The following NCBP3 variants were observed in gnomAD, a reference collection of about 807,000 sequenced individuals.
The protein encoded by NCBP3 is nuclear cap binding subunit 3.
Under a neutral mutation model 75.7 loss-of-function variants are expected in NCBP3, and 20 were observed. That is an observed-to-expected ratio of 0.26 (90% CI 0.19 to 0.38). NCBP3 has a LOEUF of 0.38. Among genes scored for constraint, NCBP3 ranks in the 10% least tolerant of loss-of-function variants. NCBP3 has a pLI of 1.00. For missense variants in NCBP3, 678 were observed against 796.9 expected (o/e 0.85, Z 1.80); for synonymous variants, 293 against 290.5 (o/e 1.01, Z -0.09).
chr17:3,814,216 G>A (rs2053481652), intron 12 of NCBP3, 106 bp downstream of exon 12: 1 of 1,096,366 alleles, frequency 9.1e-7, no homozygotes, highest in Admixed American at 2.3e-5. Flanking sequence ...CTTATATTTG[G>A]CGTGGGCTGT....
intron 9 of NCBP3, among the ~76,000 whole-genome samples, chr17:3,820,761 T>C (rs996761874): frequency 1.3e-5 from 2 of 152,130 alleles, no homozygotes; most frequent in Non-Finnish European, 2.9e-5. Context: ...TGAAACCCCA[T>C]CTCTACTAAA....
In NCBP3 at chr17:3,806,476, A is replaced by T. The variant is rs1402228375; in HGVS notation, c.*6568T>A. 1 of 152,228 alleles carries T rather than the reference A, an allele frequency of 6.6e-6. No individual in the cohort carries two copies. The highest frequency in any genetic ancestry group is 1.5e-5 in the Non-Finnish European group (1 of 68,040). 9.4% of individuals were successfully genotyped at this position (152,228 alleles called of 1,614,324 possible). A position where few individuals can be genotyped will look rare whatever the true frequency, so the allele number is the denominator to read the frequency against. ...ACAATTTGAGATAACACAAAGTCTCAACTATTTACGAACCTGGTCATCCAG... is the reference window on the plus strand; with the variant it reads ...ACAATTTGAGATAACACAAAGTCTCTACTATTTACGAACCTGGTCATCCAG... On this transcript the variant is annotated 3_prime_UTR_variant, in exon 13 of 13. Transcript: ENST00000389005.
chr17:3,820,557 A>G (rs2053641979), intron 9 of NCBP3, among the ~76,000 whole-genome samples: 1 of 152,264 alleles, frequency 6.6e-6, no homozygotes, highest in Non-Finnish European at 1.5e-5. Context: ...CAAACCAACA[A>G]GCACAAAGCA....
chr17:3,815,616 T>A (rs538802618), intron 11 of NCBP3, among the ~76,000 whole-genome samples: 10 of 152,364 alleles, frequency 6.6e-5, no homozygotes, highest in African/African-American at 2.4e-4. Flanking sequence ...CATCTATAGA[T>A]TCAACCAACT....
At chr17:3,814,069 C>T (rs1193016730) in intron 12 of NCBP3, among the ~76,000 whole-genome samples, 1 of 152,174 alleles carries the variant, frequency 6.6e-6, no homozygotes, top group East Asian at 1.9e-4. Context: ...GAATAGCTCA[C>T]ATGAAACTAA....
At chr17:3,824,210 T>C (rs1597400711) in intron 7 of NCBP3, 1 of 152,188 alleles carries the variant, frequency 6.6e-6, no homozygotes, top group East Asian at 1.9e-4. Flanking sequence ...TTAAGTGTGC[T>C]ATGTATAAAA....
intron 3 of NCBP3, among the ~76,000 whole-genome samples, chr17:3,835,697 T>G (rs2053961369): frequency 6.6e-6 from 1 of 152,266 alleles, no homozygotes; most frequent in Admixed American, 6.5e-5. Flanking sequence ...GTAGGAAGTT[T>G]GCCAAAAGGC....
Position 3,812,517 on chromosome 17 carries a change from G to A in NCBP3, c.*527C>T. 1 of 997,270 alleles carries A rather than the reference G, an allele frequency of 1.0e-6. No homozygotes were observed. The highest frequency in any genetic ancestry group is 1.7e-5 in the African/African-American group (1 of 57,390). 61.8% of individuals were successfully genotyped at this position (997,270 alleles called of 1,614,324 possible). A position where few individuals can be genotyped will look rare whatever the true frequency, so the allele number is the denominator to read the frequency against. On this transcript the variant is annotated 3_prime_UTR_variant, in exon 13 of 13. Transcript: ENST00000389005. Reference sequence around the variant, plus strand: ...ACCTGGGCGGCACTGGTGCACCTCTGAGGTCAGGTCCGTGAGATTCGCCCC... The same window carrying A: ...ACCTGGGCGGCACTGGTGCACCTCTAAGGTCAGGTCCGTGAGATTCGCCCC...
chr17:3,841,832 CAAAA>C (rs35136635), intron 2 of NCBP3, among the ~76,000 whole-genome samples: 1 of 113,974 alleles, frequency 8.8e-6, no homozygotes, highest in Admixed American at 9.9e-5. Context: ...GACTCTGTCT[CAAAA>C]AAAAAAAAAA....
rs999772348 is a variant in NCBP3 at position 3,840,094 on chromosome 17, C to T, written c.355+6G>A. The T allele has an allele frequency of 1.4e-5, 21 of 1,549,590 alleles. No individual in the cohort carries two copies. The highest frequency in any genetic ancestry group is 5.5e-5 in the African/African-American group (4 of 72,996). ...GTGGACAAATTTCCCACAAAACACC[C>T]TGTACCTTTCTTCATCATGTCTCGG... On this transcript the variant is annotated splice_donor_region_variant and intron_variant, in intron 3 of 12. Coordinates refer to ENST00000389005, the MANE Select transcript of NCBP3 (RefSeq NM_001114118.3).
rs2053334873 is a variant in NCBP3 at position 3,806,222 on chromosome 17, G to T, written c.*6822C>A. The T allele has an allele frequency of 6.6e-6, 1 of 152,262 alleles. No individual in the cohort carries two copies. Among genetic ancestry groups the T allele is most frequent in the African/African-American group, 2.4e-5 (1 of 41,430 alleles). 9.4% of individuals were successfully genotyped at this position (152,262 alleles called of 1,614,324 possible). On this transcript the variant is annotated 3_prime_UTR_variant, in exon 13 of 13. Transcript: ENST00000389005. ...GCCTCCCAAGTAGCTGGGACTACAG[G>T]TACCCACCACCACGCCCAGCTAATT...
At chr17:3,826,514 C>A (rs1455969038) in intron 4 of NCBP3, among the ~76,000 whole-genome samples, 3 of 151,974 alleles carry the variant, frequency 2.0e-5, no homozygotes, top group Admixed American at 6.6e-5. Context: ...GCCGGTAGTC[C>A]CAGCTACTTG....
At chr17:3,844,219 C>A (rs1171200826) in intron 1 of NCBP3, among the ~76,000 whole-genome samples, 1 of 152,172 alleles carries the variant, frequency 6.6e-6, no homozygotes, top group African/African-American at 2.4e-5. Flanking sequence ...GATTTGGAAA[C>A]CAAGCGAGGA....
At chr17:3,838,099 C>G (rs1420449370) in intron 3 of NCBP3, among the ~76,000 whole-genome samples, 1 of 152,184 alleles carries the variant, frequency 6.6e-6, no homozygotes, top group African/African-American at 2.4e-5. Context: ...AAGAACTTGT[C>G]CTCAGTCACA....
chr17:3,816,166 T>C lies in NCBP3; in HGVS notation c.1415A>G (p.Glu472Gly). 1.9e-6 allele frequency: 3 copies of C among 1,614,214 alleles called. No individual in the cohort carries two copies. Among genetic ancestry groups the C allele is most frequent in the Non-Finnish European group, 2.5e-6 (3 of 1,180,034 alleles). The stretch of plus-strand genomic sequence containing the variant: ...CCGTGGACGGGAGTGCTGACGTTTC[T>C]CATCTAATAGATGTCGGACATCTGC... ...KFADVRHLLDEKRQHSRPRPP... is the reference protein window; with the variant it reads ...KFADVRHLLDGKRQHSRPRPP... Residue 472 changes from glutamate (E) to glycine (G), a missense_variant, in exon 11 of 13, where the codon GAG (glutamate) becomes GGG (glycine). Coordinates refer to ENST00000389005, the MANE Select transcript of NCBP3 (RefSeq NM_001114118.3).
chr17:3,841,552 G>T (rs1442615328), intron 2 of NCBP3, among the ~76,000 whole-genome samples: 5 of 148,186 alleles, frequency 3.4e-5, no homozygotes, highest in African/African-American at 1.2e-4. Flanking sequence ...AGTAAGAAAA[G>T]ATTTTCACTT....
At position 3,809,726 on chromosome 17, in the gene NCBP3, A is replaced by G. The variant is rs1369522131; in HGVS notation, c.*3318T>C. ...TGTCTCAAAAATAAATAATAGAAAT[A>G]GAAATATATATATATAGCCCTAAAG... is the stretch of plus-strand genomic sequence containing the variant. On this transcript the variant is annotated 3_prime_UTR_variant, in exon 13 of 13. Transcript: ENST00000389005. 2 of 152,176 alleles carry G rather than the reference A, an allele frequency of 1.3e-5. No individual in the cohort carries two copies. The highest frequency in any genetic ancestry group is 4.8e-5 in the African/African-American group (2 of 41,436). 9.4% of individuals were successfully genotyped at this position (152,176 alleles called of 1,614,324 possible). A position where few individuals can be genotyped will look rare whatever the true frequency, so the allele number is the denominator to read the frequency against.
chr17:3,838,501 T>C (rs1322913980), intron 3 of NCBP3, among the ~76,000 whole-genome samples: 1 of 152,246 alleles, frequency 6.6e-6, no homozygotes, highest in Admixed American at 6.5e-5. Context: ...GTTTCTGACT[T>C]GAACTGGTCA....
chr17:3,842,143 A>G (rs1453849253), intron 2 of NCBP3, among the ~76,000 whole-genome samples: 2 of 152,114 alleles, frequency 1.3e-5, no homozygotes, highest in African/African-American at 2.4e-5. Flanking sequence ...AGGGCCTATT[A>G]TGCCGACACG....
Sources: allele counts gnomAD v4.1 joint callset (sites outside exome capture counted in the v4.1 genomes callset), GRCh38; gene constraint gnomAD v4.1.1; transcripts MANE v1.5; gene names NCBI Gene and HGNC (gene_info 2026-07-23, HGNC 2026-07-21).